CAPN7: variants seen among roughly 807,000 people sequenced by gnomAD.
The protein encoded by CAPN7 is calpain 7.
A neutral mutation model predicts 115.2 loss-of-function variants in CAPN7; 72 were observed. The observed-to-expected ratio is 0.63, with a 90% confidence interval of 0.52 to 0.76. CAPN7 has a LOEUF of 0.76. Ranked by LOEUF, CAPN7 falls within the 30% of genes least tolerant of loss-of-function variation. The probability of loss-of-function intolerance (pLI) is 0.00; values close to 1 mark genes in which losing one functional copy is unlikely to be tolerated. For missense variants in CAPN7, 905 were observed against 971.5 expected (o/e 0.93, Z 0.91); for synonymous variants, 344 against 322.3 (o/e 1.07, Z -0.72).
intron 10 of CAPN7, among the ~76,000 whole-genome samples, 160 bp downstream of exon 10, chr3:15,232,825 A>G (rs1023050720): frequency 9.8e-5 from 15 of 152,294 alleles, no homozygotes; most frequent in African/African-American, 3.4e-4. Flanking sequence ...GGGGATATAT[A>G]TATTTTCTTG....
At position 15,211,336 on chromosome 3, in the gene CAPN7, A is replaced by G. The variant is rs184788027; in HGVS notation, c.103-768A>G. On this transcript the variant is annotated intron_variant, in intron 1 of 20. Transcript: ENST00000253693. ...ACATTTTCAAGGTATATAATTTTAA[A>G]TCTGATCTATTGCATAAGGAAAAAG... 1.6e-3 allele frequency among the ~76,000 whole-genome samples: 239 copies of G among 152,330 alleles called. 1 individual carries two copies. Among genetic ancestry groups the G allele is most frequent in the Non-Finnish European group, 2.4e-3 (165 of 68,024 alleles).
chr3:15,210,596 C>CTT (rs371169868), intron 1 of CAPN7, among the ~76,000 whole-genome samples: 13 of 104,484 alleles, frequency 1.2e-4, no homozygotes, highest in African/African-American at 3.0e-4. Context: ...TGCTTCCTTC[C>CTT]TTTTTTTTTT....
intron 18 of CAPN7, chr3:15,247,109 G>T (rs1031520382): frequency 1.1e-5 from 6 of 563,400 alleles, no homozygotes; most frequent in Non-Finnish European, 1.2e-5. Flanking sequence ...GAAAATTCCT[G>T]GTAGAAAGAA....
chr3:15,232,474 A>T (rs757519214), intron 9 of CAPN7, 45 bp from the exon 10 acceptor site: 2 of 1,482,472 alleles, frequency 1.3e-6, no homozygotes, highest in Non-Finnish European at 1.8e-6. Context: ...AAAGGATTTT[A>T]AGATATTTTG....
In CAPN7 at chr3:15,232,535, A is replaced by G; in HGVS notation, c.1049A>G (p.Gln350Arg). ...TTTCTCCAGGTGATAATTGATGACC[A>G]GTTACCTGTTGATCACAAGGGAGAA... Reference protein sequence around the residue: ...GVPRKVIIDDQLPVDHKGELL... With the variant: ...GVPRKVIIDDRLPVDHKGELL... Residue 350 changes from glutamine (Q) to arginine (R), a missense_variant, in exon 10 of 21, where the codon CAG (glutamine) becomes CGG (arginine). Gln to Arg is a conservative substitution (Grantham distance 43). This residue lies in a region of CAPN7 where 620 missense variants were observed against 703.4 expected (regional missense o/e 0.88). Transcript: ENST00000253693. 6.2e-7 allele frequency: 1 copy of G among 1,608,934 alleles called. No homozygotes were observed. Among genetic ancestry groups the G allele is most frequent in the African/African-American group, 1.3e-5 (1 of 74,678 alleles).
intron 12 of CAPN7, among the ~76,000 whole-genome samples, chr3:15,236,840 T>TA (rs1695021451): frequency 1.3e-5 from 2 of 152,254 alleles, no homozygotes; most frequent in African/African-American, 4.8e-5. Context: ...ATAGGGCACT[T>TA]ACATGGTTGG....
At chr3:15,210,736 C>T (rs530423668) in intron 1 of CAPN7, 2 of 1,258,224 alleles carry the variant, frequency 1.6e-6, no homozygotes, top group African/African-American at 1.5e-5. Context: ...GCTGGGACTA[C>T]TTTGTAGAGA....
intron 1 of CAPN7, among the ~76,000 whole-genome samples, chr3:15,210,262 TA>T (rs1222396512): frequency 4.6e-5 from 7 of 151,486 alleles, no homozygotes; most frequent in Non-Finnish European, 1.0e-4. Flanking sequence ...GACTCCTAAG[TA>T]AAAAAAATAG....
In CAPN7 at chr3:15,246,754, C is replaced by T. The variant is rs535638509; in HGVS notation, c.2033C>T (p.Thr678Ile). 1.4e-5 allele frequency: 22 copies of T among 1,608,380 alleles called. No individual in the cohort carries two copies. In the South Asian group the frequency reaches 2.1e-4, roughly 15 times the overall value. Residue 678 changes from threonine (T) to isoleucine (I), a missense_variant, in exon 18 of 21, where the codon ACT (threonine) becomes ATT (isoleucine). Physicochemically the swap from Thr to Ile is moderately conservative, Grantham distance 89 (BLOSUM62 -1). This residue lies in a region of CAPN7 where 620 missense variants were observed against 703.4 expected (regional missense o/e 0.88). Transcript: ENST00000253693. ...TVRVYSACSF[T>I]FSKIPSPYTL... The stretch of plus-strand genomic sequence containing the variant: ...TAGGTATATTCAGCATGCAGCTTTA[C>T]TTTTTCAAAGATTCCTTCACCATAC...
At position 15,251,848 on chromosome 3, in the gene CAPN7, C is replaced by T. The variant is rs544125660; in HGVS notation, c.*588C>T. On this transcript the variant is annotated 3_prime_UTR_variant, in exon 21 of 21. Coordinates refer to ENST00000253693, the MANE Select transcript of CAPN7 (RefSeq NM_014296.3). ...AAAGAATAAAGCTTTTAAGTATAGA[C>T]TACCTTAGCATGAAGATGCTCATGC... 6.6e-6 allele frequency: 1 copy of T among 152,284 alleles called. No homozygotes were observed. The highest frequency in any genetic ancestry group is 1.5e-5 in the Non-Finnish European group (1 of 68,002). 9.4% of individuals were successfully genotyped at this position (152,284 alleles called of 1,614,324 possible). A position where few individuals can be genotyped will look rare whatever the true frequency, so the allele number is the denominator to read the frequency against.
At position 15,208,210 on chromosome 3, in the gene CAPN7, CTT is replaced by C. The variant is rs537018111; in HGVS notation, c.102+1627_102+1628del. Among the ~76,000 whole-genome samples the C allele has an allele frequency of 7.9e-3, 980 of 124,260 alleles. 18 individuals are homozygous for C. Among genetic ancestry groups the C allele is most frequent in the African/African-American group, 0.027 (922 of 33,876 alleles). 81.5% of individuals were successfully genotyped at this position (124,260 alleles called of 152,430 possible). ...GTTTTTTTATGCGTATGTGTATATGCTTTTTTTTTTTTTTTACAAACTGGTTT... is the reference window on the plus strand; with the variant it reads ...GTTTTTTTATGCGTATGTGTATATGCTTTTTTTTTTTTTACAAACTGGTTT... On this transcript the variant is annotated intron_variant, in intron 1 of 20. Coordinates refer to ENST00000253693, the MANE Select transcript of CAPN7 (RefSeq NM_014296.3).
chr3:15,213,585 T>C (rs2045071745), intron 2 of CAPN7, among the ~76,000 whole-genome samples: 1 of 152,244 alleles, frequency 6.6e-6, no homozygotes, highest in African/African-American at 2.4e-5. Context: ...CTTTTCCATA[T>C]GTACACACAG....
chr3:15,245,124 A>C (rs1175583381), intron 16 of CAPN7, among the ~76,000 whole-genome samples: 1 of 151,854 alleles, frequency 6.6e-6, no homozygotes, highest in Non-Finnish European at 1.5e-5. Flanking sequence ...AAAAAAAAAA[A>C]AGTTAATTTA....
chr3:15,223,372 T>G lies in CAPN7; in HGVS notation c.639-103T>G, dbSNP rs1470499685. 6.0e-5 allele frequency: 44 copies of G among 730,860 alleles called. 1 individual carries two copies. Among genetic ancestry groups the G allele is most frequent in the South Asian group, 5.9e-4 (38 of 64,382 alleles). The allele number at this position is 730,860 out of a possible 1,614,324, so 45.3% of individuals were successfully genotyped here. A position where few individuals can be genotyped will look rare whatever the true frequency, so the allele number is the denominator to read the frequency against. Reference sequence around the variant, plus strand: ...ACAACATGAGGTTGTCAGTTTAATTTTAATACAGTATCATACCTTGTCATT... The same window carrying G: ...ACAACATGAGGTTGTCAGTTTAATTGTAATACAGTATCATACCTTGTCATT... On this transcript the variant is annotated intron_variant, in intron 5 of 20. Transcript: ENST00000253693.
chr3:15,227,190 A>G (rs974485267), intron 6 of CAPN7, among the ~76,000 whole-genome samples: 4 of 152,106 alleles, frequency 2.6e-5, no homozygotes, highest in East Asian at 1.9e-4. Flanking sequence ...TTAGAGAAAC[A>G]TTGTTACACA....
At chr3:15,241,343 TA>T in intron 14 of CAPN7, 109 bp from the exon 15 acceptor site, 1 of 1,138,262 alleles carries the variant, frequency 8.8e-7, no homozygotes, top group East Asian at 2.4e-5. Flanking sequence ...TTAAAAACAG[TA>T]AAACAAAACC....
intron 19 of CAPN7, among the ~76,000 whole-genome samples, chr3:15,249,006 C>CAAAAAAA (rs1460568964): frequency 2.7e-3 from 134 of 50,424 alleles, no homozygotes; most frequent in Non-Finnish European, 3.5e-3. Context: ...ATACAACAAC[C>CAAAAAAA]AAAAAAAAAA....
chr3:15,209,501 T>C (rs979154150), intron 1 of CAPN7, among the ~76,000 whole-genome samples: 1 of 152,236 alleles, frequency 6.6e-6, no homozygotes, highest in Non-Finnish European at 1.5e-5. Context: ...TAGGAACATT[T>C]GAATTAATCT....
At chr3:15,235,868 A>G (rs1450687618) in intron 12 of CAPN7, among the ~76,000 whole-genome samples, 2 of 152,122 alleles carry the variant, frequency 1.3e-5, no homozygotes. Flanking sequence ...ATACTTATGA[A>G]AGTGGGCCAG....
Sources: gnomAD v4.1 joint callset for allele counts (sites outside exome capture counted in the v4.1 genomes callset) on GRCh38, gnomAD v4.1.1 for gene constraint, gnomAD v4.1.1 regional missense constraint, MANE v1.5 for transcripts, NCBI Gene and HGNC (gene_info 2026-07-23, HGNC 2026-07-21) for gene names.